The following COBLL1 variants were observed in gnomAD, a reference collection of about 807,000 sequenced individuals.
COBLL1 encodes cordon-bleu protein-like 1.
In COBLL1, 50 loss-of-function variants were observed where a neutral mutation model predicts 94.8. The ratio of observed to expected loss-of-function variants is 0.53; its 90% CI spans 0.42 to 0.67. The LOEUF is 0.67. Ranked by LOEUF, COBLL1 falls within the 30% of genes least tolerant of loss-of-function variation. The pLI, the probability that COBLL1 is intolerant of heterozygous loss-of-function variation, is 0.00. For missense variants in COBLL1, 1,362 were observed against 1,348.7 expected (o/e 1.01, Z -0.15); for synonymous variants, 448 against 473.8 (o/e 0.95, Z 0.71).
At chr2:164,815,348 G>A (rs1277140461) in intron 2 of COBLL1, among the ~76,000 whole-genome samples, 3 of 150,442 alleles carry the variant, frequency 2.0e-5, no homozygotes, top group Non-Finnish European at 4.4e-5. Flanking sequence ...GCAGTGAGCC[G>A]AGGTCATGCT....
chr2:164,740,840 G>A (rs570047585), intron 3 of COBLL1, among the ~76,000 whole-genome samples: 7 of 152,114 alleles, frequency 4.6e-5, no homozygotes, highest in Non-Finnish European at 1.0e-4. Context: ...TATGTCACCT[G>A]AGCTATATAA....
intron 13 of COBLL1, among the ~76,000 whole-genome samples, chr2:164,688,737 T>C (rs938179526): frequency 1.3e-5 from 2 of 152,122 alleles, no homozygotes; most frequent in Non-Finnish European, 2.9e-5. Context: ...AAAAAACTAA[T>C]TAAATAAACA....
intron 1 of COBLL1, among the ~76,000 whole-genome samples, chr2:164,667,687 T>C (rs1041260254): frequency 2.6e-5 from 4 of 152,228 alleles, no homozygotes; most frequent in African/African-American, 9.6e-5. Context: ...TTTTCTTCTA[T>C]AGCTTCATCT....
At chr2:164,810,045 G>A (rs1315614440) in intron 2 of COBLL1, among the ~76,000 whole-genome samples, 2 of 151,430 alleles carry the variant, frequency 1.3e-5, no homozygotes, top group Non-Finnish European at 3.0e-5. Context: ...CAGATATAAT[G>A]GCATATGTAT....
intron 3 of COBLL1, 144 bp downstream of exon 3, chr2:164,743,543 G>T: frequency 3.0e-6 from 2 of 658,082 alleles, no homozygotes; most frequent in Non-Finnish European, 5.1e-6. Flanking sequence ...CACCATTTTA[G>T]CAGTCTTTTT....
chr2:164,702,758 C>T (rs963548238), intron 9 of COBLL1, among the ~76,000 whole-genome samples: 1 of 152,054 alleles, frequency 6.6e-6, no homozygotes, highest in Non-Finnish European at 1.5e-5. Flanking sequence ...CAATCTTCCA[C>T]CTCAGCCTCA....
chr2:164,822,920 C>T (rs1685248141), intron 2 of COBLL1, among the ~76,000 whole-genome samples: 1 of 151,856 alleles, frequency 6.6e-6, no homozygotes, highest in South Asian at 2.1e-4. Flanking sequence ...AGGCATGCAC[C>T]ACCACACCTG....
At chr2:164,788,387 TA>T (rs916440511) in intron 2 of COBLL1, among the ~76,000 whole-genome samples, 30 of 150,146 alleles carry the variant, frequency 2.0e-4, no homozygotes, top group African/African-American at 6.4e-4. Flanking sequence ...TCTGTACCTT[TA>T]AAAAAAAAAT....
chr2:164,695,314 T>C lies in COBLL1; in HGVS notation c.2078A>G (p.Asp693Gly), dbSNP rs1268037912. The C allele has an allele frequency of 6.2e-6, 10 of 1,613,810 alleles. No individual in the cohort carries two copies. Among genetic ancestry groups the C allele is most frequent in the Admixed American group, 1.7e-5 (1 of 59,962 alleles). The stretch of plus-strand genomic sequence containing the variant: ...TAGGTAAGAAGCAGTGGAATTTTTG[T>C]CAATCCTATCTACAGGAGGCAAAAG... ...DDLLPPVDRI[D>G]KNSTASYLKN... Residue 693 changes from aspartate (D) to glycine (G), a missense_variant, in exon 12 of 14, where the codon GAC (aspartate) becomes GGC (glycine). Transcript: ENST00000652658.
In COBLL1 at chr2:164,796,705, C is replaced by CAAAA. The variant is rs34412964; in HGVS notation, c.41+44447_41+44450dup. On this transcript the variant is annotated intron_variant, in intron 2 of 13. Coordinates refer to ENST00000652658, the MANE Select transcript of COBLL1 (RefSeq NM_001365672.2). Reference sequence around the variant, plus strand: ...ATGACAGATGAAGTAGCTGGCCTTCCAAAAAAAAAAAAAAAAAAAAAGGAG... The same window carrying CAAAA: ...ATGACAGATGAAGTAGCTGGCCTTCCAAAAAAAAAAAAAAAAAAAAAAAAAGGAG... Among the ~76,000 whole-genome samples the CAAAA allele has an allele frequency of 3.6e-3, 314 of 86,414 alleles. 4 individuals carry two copies. Among genetic ancestry groups the CAAAA allele is most frequent in the African/African-American group, 0.011 (270 of 23,762 alleles). The allele number at this position is 86,414 out of a possible 152,430, so 56.7% of individuals were successfully genotyped here. A position where few individuals can be genotyped will look rare whatever the true frequency, so the allele number is the denominator to read the frequency against.
chr2:164,692,108 G>A, intron 13 of COBLL1, 113 bp downstream of exon 13: 2 of 886,470 alleles, frequency 2.3e-6, no homozygotes, highest in Non-Finnish European at 3.3e-6. Flanking sequence ...ACACAGAAGA[G>A]TAACTTTGGG....
chr2:164,765,574 G>C (rs13414258), intron 2 of COBLL1, among the ~76,000 whole-genome samples: 103 of 152,128 alleles, frequency 6.8e-4, no homozygotes, highest in African/African-American at 2.2e-3. Context: ...ACGAATAAAA[G>C]GGAAAAAGTG....
intron 2 of COBLL1, among the ~76,000 whole-genome samples, chr2:164,749,771 C>G (rs1426724663): frequency 6.6e-6 from 1 of 151,984 alleles, no homozygotes; most frequent in Non-Finnish European, 1.5e-5. Flanking sequence ...AGGAGAAACC[C>G]AAAACATTAT....
chr2:164,698,399 T>TATAA, intron 11 of COBLL1: 1 of 149,946 alleles, frequency 6.7e-6, no homozygotes, highest in African/African-American at 2.4e-5. Context: ...TATATATATA[T>TATAA]AATTATATAT....
intron 2 of COBLL1, among the ~76,000 whole-genome samples, chr2:164,746,748 C>A (rs1225092116): frequency 6.6e-6 from 1 of 152,014 alleles, no homozygotes; most frequent in Non-Finnish European, 1.5e-5. Context: ...TCCCTTACCT[C>A]CGGCCTCTCC....
rs183878218 is a variant in COBLL1 at position 164,818,154 on chromosome 2, A to G, written c.41+23002T>C. Among the ~76,000 whole-genome samples, 161 of 151,378 alleles carry G rather than the reference A, an allele frequency of 1.1e-3. 1 individual carries two copies. The highest frequency in any genetic ancestry group is 1.9e-3 in the Non-Finnish European group (131 of 67,712). ...TATGTACATGTATATGTACATGTAT[A>G]CGTGTATGTATACATGCACGTATAC... On this transcript the variant is annotated intron_variant, in intron 2 of 13. Transcript: ENST00000652658.
At chr2:164,744,635 C>T (rs1033548265) in intron 2 of COBLL1, among the ~76,000 whole-genome samples, 2 of 152,184 alleles carry the variant, frequency 1.3e-5, no homozygotes, top group Non-Finnish European at 2.9e-5. Context: ...GCCTGCGCAA[C>T]ATGGTGAGAC....
At position 164,686,037 on chromosome 2, in the gene COBLL1, G is replaced by A; in HGVS notation, c.3301-5C>T. The stretch of plus-strand genomic sequence containing the variant: ...TGTATTTGATGGAATGGTAACCTAA[G>A]AGAAAGAAACACACTTTGCACCCAT... On this transcript the variant is annotated splice_polypyrimidine_tract_variant and splice_region_variant and intron_variant, in intron 13 of 13. Transcript: ENST00000652658. 6.4e-7 allele frequency: 1 copy of A among 1,568,142 alleles called. No individual in the cohort carries two copies. The highest frequency in any genetic ancestry group is 8.7e-7 in the Non-Finnish European group (1 of 1,143,862).
At chr2:164,806,523 T>C (rs1378507864) in intron 2 of COBLL1, among the ~76,000 whole-genome samples, 3 of 152,178 alleles carry the variant, frequency 2.0e-5, no homozygotes, top group Admixed American at 1.3e-4. Flanking sequence ...GCTTCCTGGC[T>C]TCTTTTATGC....
Sources: allele counts gnomAD v4.1 joint callset (sites outside exome capture counted in the v4.1 genomes callset), GRCh38; gene constraint gnomAD v4.1.1; transcripts MANE v1.5; gene names NCBI Gene and HGNC (gene_info 2026-07-23, HGNC 2026-07-21).